Variants in JMY observed in about 807,000 individuals in gnomAD.
JMY encodes the protein junction-mediating and -regulatory protein.
Under a neutral mutation model 103.3 loss-of-function variants are expected in JMY, and 46 were observed. The observed-to-expected ratio is 0.45, with a 90% CI of 0.35 to 0.57. JMY has a LOEUF of 0.57. Ranked by LOEUF, JMY falls within the 20% of genes least tolerant of loss-of-function variation. The pLI is 0.00. For synonymous variants in JMY, 526 were observed against 489.3 expected, an observed-to-expected ratio of 1.07 and a Z score of -0.99; for missense variants, 1,238 against 1,255.2, an observed-to-expected ratio of 0.99 and a Z score of 0.21.
chr5:79,237,679 G>A lies in JMY; in HGVS notation c.1029G>A (p.Gln343=). The A allele has an allele frequency of 6.2e-7, 1 of 1,610,736 alleles. No homozygotes were observed. Among genetic ancestry groups the A allele is most frequent in the African/African-American group, 1.3e-5 (1 of 74,972 alleles). The part of the protein sequence containing the change: ...EVLQRARKRI[Q]ELLDKHKNTE... ...TTCAGCGGGCCAGGAAGCGCATCCA[G>A]GAGGTGAGTGAGTGAGCTCCTAGTC... The change falls in exon 1 of 11, where the codon CAG becomes CAA. Residue 343 remains glutamine (Q), a synonymous_variant. Coordinates refer to ENST00000396137, the MANE Select transcript of JMY (RefSeq NM_152405.5).
Position 79,239,599 on chromosome 5 carries a change from G to A in JMY, c.1032+1917G>A, listed in dbSNP as rs7732164. On this transcript the variant is annotated intron_variant, in intron 1 of 10. Transcript: ENST00000396137. ...AGGCGGGCGGATCACGAGGTCAGGA[G>A]ATCGAGACCATCCTGGCTAACACGG... Among the ~76,000 whole-genome samples the A allele has an allele frequency of 6.0e-3, 911 of 152,222 alleles. 9 individuals carry two copies. Among genetic ancestry groups the A allele is most frequent in the African/African-American group, 0.021 (867 of 41,558 alleles).
rs1046945361 is a variant in JMY at position 79,283,145 on chromosome 5, G to A, written c.1206+5062G>A. Among the ~76,000 whole-genome samples the A allele has an allele frequency of 4.6e-5, 7 of 151,912 alleles. No homozygotes were observed. In the East Asian group the frequency reaches 9.7e-4, roughly 21 times the overall value. ...GTAGCTGGGATTACAGGCATGTGCC[G>A]CAATGCCTGGCTAATTTTGTATTTT... is the stretch of plus-strand genomic sequence containing the variant. On this transcript the variant is annotated intron_variant, in intron 2 of 10. Transcript: ENST00000396137.
chr5:79,301,385 C>G (rs1177790480), intron 6 of JMY, among the ~76,000 whole-genome samples: 2 of 152,160 alleles, frequency 1.3e-5, no homozygotes, highest in East Asian at 1.9e-4. Flanking sequence ...GAATCTGGAA[C>G]TAGCTCTCCA....
intron 1 of JMY, among the ~76,000 whole-genome samples, chr5:79,261,786 G>A (rs574066809): frequency 1.3e-5 from 2 of 151,888 alleles, no homozygotes; most frequent in East Asian, 1.9e-4. Flanking sequence ...TACCATGCCC[G>A]GCTAATTTTT....
chr5:79,325,690 A>G lies in JMY; in HGVS notation c.*4088A>G, dbSNP rs1747616518. On this transcript the variant is annotated 3_prime_UTR_variant, in exon 11 of 11. Transcript: ENST00000396137. Reference sequence around the variant, plus strand: ...GTAGTTATTTCTGAACTTTGCTGCAAAGTGCTCTTTAGTTAAAGCACATTA... The same window carrying G: ...GTAGTTATTTCTGAACTTTGCTGCAGAGTGCTCTTTAGTTAAAGCACATTA... 6.6e-6 allele frequency: 1 copy of G among 152,190 alleles called. No homozygotes were observed. Among genetic ancestry groups the G allele is most frequent in the African/African-American group, 2.4e-5 (1 of 41,462 alleles). The allele number at this position is 152,190 out of a possible 1,614,324, so 9.4% of individuals were successfully genotyped here.
intron 8 of JMY, among the ~76,000 whole-genome samples, chr5:79,312,910 AT>A (rs769562588): frequency 1.3e-5 from 2 of 152,180 alleles, no homozygotes; most frequent in Non-Finnish European, 2.9e-5. Flanking sequence ...GGAGCAGCAT[AT>A]TTGAGAAATG....
At chr5:79,282,230 A>AT (rs1469392380) in intron 2 of JMY, among the ~76,000 whole-genome samples, 1 of 152,122 alleles carries the variant, frequency 6.6e-6, no homozygotes, top group Non-Finnish European at 1.5e-5. Flanking sequence ...AAAATAAGAA[A>AT]TTCTAGAAAT....
At chr5:79,252,471 T>G (rs1745118116) in intron 1 of JMY, among the ~76,000 whole-genome samples, 1 of 152,186 alleles carries the variant, frequency 6.6e-6, no homozygotes, top group Non-Finnish European at 1.5e-5. Context: ...TAAGTTTTTG[T>G]TAGGTCTGTT....
intron 1 of JMY, among the ~76,000 whole-genome samples, chr5:79,245,048 TTAAATA>T (rs1353194694): frequency 6.6e-6 from 1 of 152,176 alleles, no homozygotes; most frequent in African/African-American, 2.4e-5. Flanking sequence ...GAATTTTAAA[TTAAATA>T]TAATTACAAT....
chr5:79,296,833 T>C (rs1039063720), intron 4 of JMY, among the ~76,000 whole-genome samples: 1 of 152,214 alleles, frequency 6.6e-6, no homozygotes, highest in Non-Finnish European at 1.5e-5. Flanking sequence ...AACAAGGGCA[T>C]AATTCATTTG....
intron 4 of JMY, 64 bp downstream of exon 4, chr5:79,291,363 A>C: frequency 2.1e-6 from 3 of 1,409,664 alleles, no homozygotes; most frequent in Non-Finnish European, 1.9e-6. Flanking sequence ...TAATCTTTGC[A>C]CAAGACATTT....
At chr5:79,300,038 C>T in intron 4 of JMY, 115 bp from the exon 5 acceptor site, 2 of 627,918 alleles carry the variant, frequency 3.2e-6, no homozygotes, top group East Asian at 3.1e-5. Flanking sequence ...AAGTTTCTTT[C>T]TGAGAGGAAT....
At chr5:79,304,294 G>A (rs1429988126) in intron 6 of JMY, among the ~76,000 whole-genome samples, 1 of 152,054 alleles carries the variant, frequency 6.6e-6, no homozygotes, top group Admixed American at 6.6e-5. Context: ...CTACTGAGAA[G>A]ATCAAATATA....
At chr5:79,267,466 A>T (rs1745617897) in intron 1 of JMY, among the ~76,000 whole-genome samples, 1 of 127,780 alleles carries the variant, frequency 7.8e-6, no homozygotes, top group Non-Finnish European at 1.6e-5. Context: ...CCAGGATGTT[A>T]TGTAGTTGGA....
chr5:79,314,977 T>C (rs1341883024), intron 9 of JMY, 126 bp downstream of exon 9: 1 of 854,140 alleles, frequency 1.2e-6, no homozygotes, highest in African/African-American at 1.7e-5. Context: ...AAACAGGTTT[T>C]CAAAGTCACA....
At chr5:79,312,710 G>C (rs1161963258) in intron 8 of JMY, among the ~76,000 whole-genome samples, 2 of 151,936 alleles carry the variant, frequency 1.3e-5, no homozygotes, top group Admixed American at 6.6e-5. Flanking sequence ...TGTGACCTTT[G>C]ACCCACAGCT....
chr5:79,279,053 T>C (rs1353372922), intron 2 of JMY, among the ~76,000 whole-genome samples: 1 of 152,106 alleles, frequency 6.6e-6, no homozygotes, highest in African/African-American at 2.4e-5. Flanking sequence ...AAAATTTTTT[T>C]CAGCCAGGCA....
chr5:79,321,584 G>C (rs919121876), intron 10 of JMY, 22 bp from the exon 11 acceptor site: 1 of 151,750 alleles, frequency 6.6e-6, no homozygotes, highest in African/African-American at 2.4e-5. Flanking sequence ...TTAATGGTCT[G>C]TATTATTTTG....
Position 79,236,363 on chromosome 5 carries a change from CGCGAGGCGCTGCGGCA to C in JMY, c.-284_-269del, listed in dbSNP as rs1744491915. Reference sequence around the variant, plus strand: ...CCTCGCGCGGGGGGCGGCGGGCGGCCGCGAGGCGCTGCGGCAGCGCGGAGCTTGTAAACAGATCCGG... The same window carrying C: ...CCTCGCGCGGGGGGCGGCGGGCGGCCGCGCGGAGCTTGTAAACAGATCCGG... On this transcript the variant is annotated 5_prime_UTR_variant, in exon 1 of 11. Coordinates refer to ENST00000396137, the MANE Select transcript of JMY (RefSeq NM_152405.5). 1 of 255,728 alleles carries C rather than the reference CGCGAGGCGCTGCGGCA, an allele frequency of 3.9e-6. No homozygotes were observed. Among genetic ancestry groups the C allele is most frequent in the Non-Finnish European group, 7.4e-6 (1 of 135,280 alleles). 15.8% of individuals were successfully genotyped at this position (255,728 alleles called of 1,614,324 possible). A position where few individuals can be genotyped will look rare whatever the true frequency, so the allele number is the denominator to read the frequency against.
Sources: allele counts gnomAD v4.1 joint callset (sites outside exome capture counted in the v4.1 genomes callset), GRCh38; gene constraint gnomAD v4.1.1; transcripts MANE v1.5; gene names NCBI Gene and HGNC (gene_info 2026-07-23, HGNC 2026-07-21).